The following ELAVL2 variants were observed in gnomAD, a reference collection of about 807,000 sequenced individuals.
The protein encoded by ELAVL2 is ELAV like RNA binding protein 2.
Under a neutral mutation model 34.6 loss-of-function variants are expected in ELAVL2, and 4 were observed. That is an observed-to-expected ratio of 0.12 (90% CI 0.06 to 0.26). The LOEUF is 0.26. Ranked by LOEUF, ELAVL2 falls within the 10% of genes least tolerant of loss-of-function variation. The pLI, the probability that ELAVL2 is intolerant of heterozygous loss-of-function variation, is 1.00. For synonymous variants in ELAVL2, 193 were observed against 154.8 expected, an observed-to-expected ratio of 1.25 and a Z score of -1.83; for missense variants, 432 against 442.8, an observed-to-expected ratio of 0.98 and a Z score of 0.22.
intron 1 of ELAVL2, among the ~76,000 whole-genome samples, chr9:23,770,360 A>C (rs1251643062): frequency 6.6e-6 from 1 of 152,186 alleles, no homozygotes; most frequent in Non-Finnish European, 1.5e-5. Context: ...TGTGATAGGA[A>C]GAAAAATCCC....
At chr9:23,725,141 A>C (rs2044753004) in intron 3 of ELAVL2, among the ~76,000 whole-genome samples, 1 of 152,142 alleles carries the variant, frequency 6.6e-6, no homozygotes, top group African/African-American at 2.4e-5. Flanking sequence ...AATACAAAAC[A>C]AACCTTCCTC....
chr9:23,726,502 C>A (rs1184218803), intron 3 of ELAVL2, among the ~76,000 whole-genome samples: 1 of 151,842 alleles, frequency 6.6e-6, no homozygotes, highest in East Asian at 1.9e-4. Flanking sequence ...AACAATAAAA[C>A]ATTCTATTCC....
chr9:23,772,244 G>C (rs913306465), intron 1 of ELAVL2, among the ~76,000 whole-genome samples: 1 of 152,094 alleles, frequency 6.6e-6, no homozygotes. Context: ...CCCAGTAGTT[G>C]AGTGTTTTCA....
chr9:23,816,968 T>C (rs921424873), intron 1 of ELAVL2, among the ~76,000 whole-genome samples: 4 of 151,918 alleles, frequency 2.6e-5, no homozygotes, highest in Admixed American at 1.3e-4. Context: ...AACGGAAAAA[T>C]ATACAGGTAC....
intron 1 of ELAVL2, among the ~76,000 whole-genome samples, chr9:23,823,618 C>G (rs1338736255): frequency 6.6e-6 from 1 of 152,156 alleles, no homozygotes; most frequent in Non-Finnish European, 1.5e-5. Flanking sequence ...ATAACAACTT[C>G]GAAACTCTCA....
chr9:23,785,782 A>T (rs1168567772), intron 1 of ELAVL2, among the ~76,000 whole-genome samples: 1 of 152,266 alleles, frequency 6.6e-6, no homozygotes, highest in African/African-American at 2.4e-5. Context: ...ATAACAGATC[A>T]AAACTGGAGA....
chr9:23,734,123 T>C (rs908600304), intron 2 of ELAVL2, among the ~76,000 whole-genome samples: 1 of 152,210 alleles, frequency 6.6e-6, no homozygotes, highest in Non-Finnish European at 1.5e-5. Flanking sequence ...AAAGACTGCA[T>C]TCCTAAACCT....
At chr9:23,705,681 AT>A (rs1470467557) in intron 3 of ELAVL2, among the ~76,000 whole-genome samples, 1 of 152,182 alleles carries the variant, frequency 6.6e-6, no homozygotes, top group Non-Finnish European at 1.5e-5. Flanking sequence ...GATTCCTTGC[AT>A]GTGCAGTTCA....
the ELAVL2 span, among the ~76,000 whole-genome samples, chr9:23,846,916 A>G: frequency 1.3e-5 from 2 of 151,986 alleles, no homozygotes; most frequent in East Asian, 1.9e-4. Context: ...TTTTGGATCC[A>G]ATTTTGGAGT....
At chr9:23,797,473 C>T (rs2061071511) in intron 1 of ELAVL2, among the ~76,000 whole-genome samples, 1 of 152,094 alleles carries the variant, frequency 6.6e-6, no homozygotes, top group Non-Finnish European at 1.5e-5. Context: ...ATCCCAAAGG[C>T]CAGCTATTGG....
At position 23,802,046 on chromosome 9, in the gene ELAVL2, G is replaced by A. The variant is rs569663713; in HGVS notation, c.-16+23760C>T. On this transcript the variant is annotated intron_variant, in intron 1 of 6. Coordinates refer to ENST00000397312, the MANE Select transcript of ELAVL2 (RefSeq NM_004432.5). The stretch of plus-strand genomic sequence containing the variant: ...GTTTTGTTTTTTTAAGTGCAGATGT[G>A]TTCCACAATTGAAGAAAGAGGTTAA... 2.0e-5 allele frequency among the ~76,000 whole-genome samples: 3 copies of A among 152,288 alleles called. 1 individual carries two copies. Among genetic ancestry groups the A allele is most frequent in the African/African-American group, 7.2e-5 (3 of 41,564 alleles).
In ELAVL2 at chr9:23,701,498, G is replaced by T. The variant is rs2037196837; in HGVS notation, c.594C>A (p.Ile198=). ...GQKPPGATEP[I]TVKFANNPSQ... is the part of the protein sequence containing the mutation. ...TTGGGTTATTAGCAAACTTTACAGT[G>T]ATTGGCTCCGTGGCACCGGGAGGTT... The change falls in exon 5 of 7, where the codon ATC becomes ATA. Residue 198 remains isoleucine (I), a synonymous_variant. Coordinates refer to ENST00000397312, the MANE Select transcript of ELAVL2 (RefSeq NM_004432.5). 1 of 1,614,096 alleles carries T rather than the reference G, an allele frequency of 6.2e-7. No individual in the cohort carries two copies. The highest frequency in any genetic ancestry group is 1.6e-4 in the Middle Eastern group (1 of 6,062).
chr9:23,753,963 T>TA (rs1564288852), intron 2 of ELAVL2, among the ~76,000 whole-genome samples: 3 of 152,190 alleles, frequency 2.0e-5, no homozygotes, highest in Admixed American at 1.3e-4. Context: ...AGACTATTCC[T>TA]AATCTACTGG....
chr9:23,812,170 C>A (rs527344925), intron 1 of ELAVL2, among the ~76,000 whole-genome samples: 96 of 151,984 alleles, frequency 6.3e-4, no homozygotes, highest in African/African-American at 2.3e-3. Flanking sequence ...AGGTAGAGAC[C>A]AAGGAATATG....
intron 3 of ELAVL2, among the ~76,000 whole-genome samples, chr9:23,712,308 T>A (rs2041189468): frequency 6.6e-6 from 1 of 152,148 alleles, no homozygotes; most frequent in Non-Finnish European, 1.5e-5. Flanking sequence ...AATCATAAAA[T>A]CTTCCTGTGA....
chr9:23,846,678 T>C, the ELAVL2 span, among the ~76,000 whole-genome samples: 1 of 152,010 alleles, frequency 6.6e-6, no homozygotes, highest in Non-Finnish European at 1.5e-5. Context: ...ATAATTAATA[T>C]CCCAAAAGAG....
chr9:23,761,597 G>T (rs547305777), intron 2 of ELAVL2, among the ~76,000 whole-genome samples: 1 of 151,936 alleles, frequency 6.6e-6, no homozygotes, highest in Non-Finnish European at 1.5e-5. Context: ...TAAGCAAAAT[G>T]ATTATATTAA....
At chr9:23,837,209 C>A in the ELAVL2 span, among the ~76,000 whole-genome samples, 7 of 152,164 alleles carry the variant, frequency 4.6e-5, no homozygotes, top group Non-Finnish European at 5.9e-5. Context: ...AAACCAGAGA[C>A]AAGAGCCTGT....
At chr9:23,824,693 A>G (rs1419511307) in intron 1 of ELAVL2, among the ~76,000 whole-genome samples, 1 of 152,016 alleles carries the variant, frequency 6.6e-6, no homozygotes, top group Non-Finnish European at 1.5e-5. Context: ...TCTACCCTGG[A>G]TCCTCTCTTT....
Sources: gnomAD v4.1 joint callset for allele counts (sites outside exome capture counted in the v4.1 genomes callset) on GRCh38, gnomAD v4.1.1 for gene constraint, MANE v1.5 for transcripts, NCBI Gene and HGNC (gene_info 2026-07-23, HGNC 2026-07-21) for gene names.